Variants in KCNJ6 observed in about 807,000 individuals in gnomAD.
KCNJ6 encodes the protein G protein-activated inward rectifier potassium channel 2.
In KCNJ6, 9 loss-of-function variants were observed where a neutral mutation model predicts 34.2. That is an observed-to-expected ratio of 0.26 (90% CI 0.16 to 0.46). KCNJ6 has a LOEUF of 0.46. KCNJ6 is among the 20% of genes least tolerant of loss of function. The pLI, the probability that KCNJ6 is intolerant of heterozygous loss-of-function variation, is 1.00. For missense variants in KCNJ6, 236 were observed against 531.3 expected (o/e 0.44, Z 5.46); for synonymous variants, 196 against 207.1 (o/e 0.95, Z 0.46).
At chr21:37,666,579 G>T (rs1259445217) in intron 3 of KCNJ6, among the ~76,000 whole-genome samples, 1 of 152,160 alleles carries the variant, frequency 6.6e-6, no homozygotes, top group Non-Finnish European at 1.5e-5. Flanking sequence ...AGTGAGGAGT[G>T]CCTCTGCCTG....
At chr21:37,863,332 C>T (rs559736519) in intron 1 of KCNJ6, among the ~76,000 whole-genome samples, 10 of 152,266 alleles carry the variant, frequency 6.6e-5, no homozygotes, top group South Asian at 6.2e-4. Flanking sequence ...TGGCTGGAAG[C>T]GAATTTGACT....
intron 3 of KCNJ6, among the ~76,000 whole-genome samples, chr21:37,641,804 T>A (rs2083142105): frequency 6.6e-6 from 1 of 151,898 alleles, no homozygotes; most frequent in Admixed American, 6.6e-5. Context: ...GTGGGGGAAA[T>A]AGAAAGCTGC....
chr21:37,733,769 A>G (rs2054898328), intron 2 of KCNJ6, among the ~76,000 whole-genome samples: 1 of 152,248 alleles, frequency 6.6e-6, no homozygotes, highest in Non-Finnish European at 1.5e-5. Flanking sequence ...ATGGGAGCGC[A>G]ATGTCTCCCT....
At chr21:37,656,014 G>A (rs1348884362) in intron 3 of KCNJ6, among the ~76,000 whole-genome samples, 1 of 152,190 alleles carries the variant, frequency 6.6e-6, no homozygotes, top group African/African-American at 2.4e-5. Context: ...GGCCTTCCTG[G>A]ACCCTCATGG....
chr21:37,645,374 A>C (rs2054399454), intron 3 of KCNJ6, among the ~76,000 whole-genome samples: 1 of 152,186 alleles, frequency 6.6e-6, no homozygotes, highest in African/African-American at 2.4e-5. Flanking sequence ...TTAAAAACAA[A>C]CAAATAAAAA....
intron 3 of KCNJ6, among the ~76,000 whole-genome samples, chr21:37,637,197 G>A (rs2054361823): frequency 6.6e-6 from 1 of 152,208 alleles, no homozygotes; most frequent in Admixed American, 6.5e-5. Flanking sequence ...AAAGAAGCAG[G>A]ATAGTGTGAT....
At chr21:37,799,365 G>C (rs2055258667) in intron 2 of KCNJ6, among the ~76,000 whole-genome samples, 1 of 152,338 alleles carries the variant, frequency 6.6e-6, no homozygotes, top group Non-Finnish European at 1.5e-5. Context: ...GAAGGGGGCA[G>C]AAAGGGAGGA....
chr21:37,894,642 C>T (rs963650719), intron 1 of KCNJ6, among the ~76,000 whole-genome samples: 25 of 151,856 alleles, frequency 1.6e-4, no homozygotes, highest in African/African-American at 5.6e-4. Context: ...CCAGCCTGGG[C>T]GACAGTGAGA....
intron 3 of KCNJ6, among the ~76,000 whole-genome samples, chr21:37,703,768 C>T (rs925792376): frequency 6.6e-6 from 1 of 152,196 alleles, no homozygotes; most frequent in African/African-American, 2.4e-5. Flanking sequence ...CACTCAAGGA[C>T]AGAAACGCCA....
At chr21:37,674,769 C>T (rs1039934446) in intron 3 of KCNJ6, among the ~76,000 whole-genome samples, 5 of 151,998 alleles carry the variant, frequency 3.3e-5, no homozygotes, top group African/African-American at 1.2e-4. Context: ...GACAGGCTTA[C>T]TTTCTGGTTT....
intron 3 of KCNJ6, among the ~76,000 whole-genome samples, chr21:37,694,719 T>A (rs2054656587): frequency 6.6e-6 from 1 of 152,168 alleles, no homozygotes; most frequent in African/African-American, 2.4e-5. Context: ...CCCCCCAAGT[T>A]CCTATGCTGA....
chr21:37,782,808 AG>A (rs2055175878), intron 2 of KCNJ6, among the ~76,000 whole-genome samples: 1 of 152,184 alleles, frequency 6.6e-6, no homozygotes, highest in South Asian at 2.1e-4. Context: ...TCAGGTGCCC[AG>A]GGCAGTCTGG....
At chr21:37,728,364 G>A (rs997274415) in intron 2 of KCNJ6, among the ~76,000 whole-genome samples, 1 of 152,184 alleles carries the variant, frequency 6.6e-6, no homozygotes, top group Admixed American at 6.5e-5. Context: ...AAGAGTTCTG[G>A]AAATGGATGG....
chr21:37,653,212 A>C (rs1159245318), intron 3 of KCNJ6, among the ~76,000 whole-genome samples: 1 of 152,268 alleles, frequency 6.6e-6, no homozygotes, highest in Non-Finnish European at 1.5e-5. Flanking sequence ...AGGAACTGTC[A>C]AGAATTTTAC....
chr21:37,637,224 G>C (rs944450134), intron 3 of KCNJ6, among the ~76,000 whole-genome samples: 4 of 152,188 alleles, frequency 2.6e-5, no homozygotes, highest in Admixed American at 6.5e-5. Context: ...CATAATCATG[G>C]TTTTAGTTCA....
At chr21:37,878,826 C>A (rs967332731) in intron 1 of KCNJ6, among the ~76,000 whole-genome samples, 5 of 152,156 alleles carry the variant, frequency 3.3e-5, no homozygotes, top group Non-Finnish European at 5.9e-5. Flanking sequence ...CCAGCACTCA[C>A]CCCCACTGGA....
chr21:37,761,789 G>A (rs2055066487), intron 2 of KCNJ6, among the ~76,000 whole-genome samples: 1 of 151,984 alleles, frequency 6.6e-6, no homozygotes, highest in Non-Finnish European at 1.5e-5. Context: ...TGTGTGGTAT[G>A]TGTGCATATG....
At chr21:37,828,359 T>C (rs9978399) in intron 2 of KCNJ6, among the ~76,000 whole-genome samples, 150,313 of 152,210 alleles carry the variant, frequency 0.99, 74,238 homozygotes, top group Middle Eastern at 1. Context: ...CACCTTCATC[T>C]GAGTTTAATT....
Position 37,714,081 on chromosome 21 carries a change from A to T in KCNJ6, c.946+130T>A, listed in dbSNP as rs909483270. On this transcript the variant is annotated intron_variant, in intron 3 of 3. Transcript: ENST00000609713. The surrounding 1 kb of genome is among the most constrained non-coding windows in gnomAD (Gnocchi z 5.9). Reference sequence around the variant, plus strand: ...GTGAGACATGTAGGCATACTATGTCATGAAGCAAGGGGATGTTGTCAATAT... The same window carrying T: ...GTGAGACATGTAGGCATACTATGTCTTGAAGCAAGGGGATGTTGTCAATAT... 1.1e-5 allele frequency: 8 copies of T among 720,586 alleles called. No individual in the cohort carries two copies. The highest frequency in any genetic ancestry group is 1.9e-5 in the Non-Finnish European group (8 of 420,086). The allele number at this position is 720,586 out of a possible 1,614,324, so 44.6% of individuals were successfully genotyped here. A position where few individuals can be genotyped will look rare whatever the true frequency, so the allele number is the denominator to read the frequency against.
Sources: gnomAD v4.1 joint callset for allele counts (sites outside exome capture counted in the v4.1 genomes callset) on GRCh38, gnomAD v4.1.1 for gene constraint, Gnocchi (gnomAD v3.1) non-coding constraint, MANE v1.5 for transcripts, NCBI Gene and HGNC (gene_info 2026-07-23, HGNC 2026-07-21) for gene names.